CLIP3: variants seen among roughly 807,000 people sequenced by gnomAD.
The protein encoded by CLIP3 is CAP-Gly domain-containing linker protein 3.
A neutral mutation model predicts 59.4 loss-of-function variants in CLIP3; 15 were observed. The ratio of observed to expected loss-of-function variants is 0.25; its 90% CI spans 0.17 to 0.39. CLIP3 has a LOEUF of 0.39. CLIP3 is among the 10% of genes least tolerant of loss of function. The pLI is 1.00. For missense variants in CLIP3, 495 were observed against 765.7 expected (o/e 0.65, Z 4.17); for synonymous variants, 300 against 321.6 (o/e 0.93, Z 0.72).
chr19:36,016,674 G>A lies in CLIP3; in HGVS notation c.1589+233C>T, dbSNP rs1361740982. ...CTAGCTGTTGTTCTGAGGCTCGTAT[G>A]GAGTGAAGGGTGTTCTGCTTCCTTT... On this transcript the variant is annotated intron_variant, in intron 13 of 13. Coordinates refer to ENST00000360535, the MANE Select transcript of CLIP3 (RefSeq NM_015526.3). This position sits in a 1 kb window ranked among gnomAD's most constrained non-coding sequence, Gnocchi z 4.1. 2 of 562,704 alleles carry A rather than the reference G, an allele frequency of 3.6e-6. No homozygotes were observed. The highest frequency in any genetic ancestry group is 6.4e-6 in the Non-Finnish European group (2 of 313,920). The allele number at this position is 562,704 out of a possible 1,614,324, so 34.9% of individuals were successfully genotyped here.
In CLIP3 at chr19:36,024,741, G is replaced by T. The variant is rs979621506; in HGVS notation, c.682-109C>A. 4 of 1,073,934 alleles carry T rather than the reference G, an allele frequency of 3.7e-6. No individual in the cohort carries two copies. In the Admixed American group the frequency reaches 9.5e-5, roughly 25 times the overall value. 66.5% of individuals were successfully genotyped at this position (1,073,934 alleles called of 1,614,324 possible). On this transcript the variant is annotated intron_variant, in intron 6 of 13. Transcript: ENST00000360535. ...TCTGGGTGATGCAGGGGTAAGACTA[G>T]GTCATATCCTGGGCCAACCTGGGAA...
Position 36,026,186 on chromosome 19 carries a change from G to A in CLIP3, c.642C>T (p.Ala214=). 2 of 1,613,846 alleles carry A rather than the reference G, an allele frequency of 1.2e-6. No homozygotes were observed. Among genetic ancestry groups the A allele is most frequent in the Non-Finnish European group, 1.7e-6 (2 of 1,179,966 alleles). Residue 214 remains alanine, a synonymous_variant, in exon 6 of 14, where the codon GCC becomes GCT. Transcript: ENST00000360535. This position sits in a 1 kb window ranked among gnomAD's most constrained non-coding sequence, Gnocchi z 6.3. ...IAASSLCLGA[A]KCLLEHGANP... is the part of the protein sequence containing the mutation. Reference sequence around the variant, plus strand: ...TGGCGCCGTGCTCCAGCAAACATTTGGCGGCGCCCAGGCACAGGCTGGAAG... The same window carrying A: ...TGGCGCCGTGCTCCAGCAAACATTTAGCGGCGCCCAGGCACAGGCTGGAAG...
Position 36,032,478 on chromosome 19 carries a change from C to A in CLIP3, c.-58-63G>T, listed in dbSNP as rs1210226668. On this transcript the variant is annotated intron_variant, in intron 1 of 13. Coordinates refer to ENST00000360535, the MANE Select transcript of CLIP3 (RefSeq NM_015526.3). The surrounding 1 kb of genome is among the most constrained non-coding windows in gnomAD (Gnocchi z 4.3). ...GCTCCAGGGTCCAAGCCCCTAGGAG[C>A]TTCCAGGGCCCCGGGTGGCCTCCGC... is the stretch of plus-strand genomic sequence containing the variant. The A allele has an allele frequency of 6.9e-6, 3 of 437,150 alleles. No individual in the cohort carries two copies. Among genetic ancestry groups the A allele is most frequent in the Middle Eastern group, 6.0e-4 (1 of 1,678 alleles). 27.1% of individuals were successfully genotyped at this position (437,150 alleles called of 1,614,324 possible).
At chr19:36,022,837 C>T (rs1263552561) in intron 7 of CLIP3, among the ~76,000 whole-genome samples, 2 of 152,084 alleles carry the variant, frequency 1.3e-5, no homozygotes, top group Non-Finnish European at 2.9e-5. Context: ...GGGCGGATCA[C>T]GAGGTCAGGA....
At chr19:36,027,772 C>T (rs549232331) in intron 2 of CLIP3, among the ~76,000 whole-genome samples, 1 of 152,344 alleles carries the variant, frequency 6.6e-6, no homozygotes, top group African/African-American at 2.4e-5. Context: ...CAGTGGTTCA[C>T]ATCTGTAATC....
chr19:36,026,061 T>C lies in CLIP3; in HGVS notation c.681+86A>G. The C allele has an allele frequency of 1.0e-6, 1 of 961,004 alleles. No homozygotes were observed. Among genetic ancestry groups the C allele is most frequent in the Middle Eastern group, 2.2e-4 (1 of 4,514 alleles). 59.5% of individuals were successfully genotyped at this position (961,004 alleles called of 1,614,324 possible). On this transcript the variant is annotated intron_variant, in intron 6 of 13. Transcript: ENST00000360535. This position sits in a 1 kb window ranked among gnomAD's most constrained non-coding sequence, Gnocchi z 6.3. ...GACGGCATTTGTAGTATTTGGGGAG[T>C]CACGGGAAACGCAGAGACCTGCTGG...
At position 36,017,935 on chromosome 19, in the gene CLIP3, C is replaced by T. The variant is rs1412383944; in HGVS notation, c.1240G>A (p.Ala414Thr). ...ACCTGGTCTCCAACCTCAGCCTTGG[C>T]CCCGTCACGCTGCTGCAAGCTGCCC... ...SLGSLQQRDG[A>T]KAEVGDQVLV... The change falls in exon 10 of 14, where the codon GCC becomes ACC. Residue 414 changes from alanine to threonine, a missense_variant. Ala to Thr is a moderately conservative substitution (Grantham distance 58). This residue lies in a region of CLIP3 where 179 missense variants were observed against 226.2 expected (regional missense o/e 0.79). Coordinates refer to ENST00000360535, the MANE Select transcript of CLIP3 (RefSeq NM_015526.3). 1 of 1,614,128 alleles carries T rather than the reference C, an allele frequency of 6.2e-7. No individual in the cohort carries two copies. Among genetic ancestry groups the T allele is most frequent in the Admixed American group, 1.7e-5 (1 of 60,014 alleles).
At chr19:36,024,995 A>G (rs952523318) in intron 6 of CLIP3, among the ~76,000 whole-genome samples, 12 of 151,092 alleles carry the variant, frequency 7.9e-5, no homozygotes, top group Admixed American at 3.9e-4. Context: ...GAATCCGGGA[A>G]GCAGAGGTTG....
At position 36,026,808 on chromosome 19, in the gene CLIP3, G is replaced by A. The variant is rs1054446204; in HGVS notation, c.401-61C>T. On this transcript the variant is annotated intron_variant, in intron 4 of 13. Transcript: ENST00000360535. The surrounding 1 kb of genome is among the most constrained non-coding windows in gnomAD (Gnocchi z 6.3). ...TCCAGAGCATGGGCCCAGTGCACGG[G>A]GAGGACCCTGGGCTTCAGGGACTAT... is the stretch of plus-strand genomic sequence containing the variant. 6.4e-7 allele frequency: 1 copy of A among 1,563,858 alleles called. No homozygotes were observed. The highest frequency in any genetic ancestry group is 1.4e-5 in the African/African-American group (1 of 73,962).
Position 36,026,764 on chromosome 19 carries a change from G to A in CLIP3, c.401-17C>T, listed in dbSNP as rs779780431. ...CGGGGTCCCCTGCGCGATAGGCCGG[G>A]TCAGCTTGGAACCCCCATTCCAGAG... On this transcript the variant is annotated splice_polypyrimidine_tract_variant and intron_variant, in intron 4 of 13. Transcript: ENST00000360535. This position sits in a 1 kb window ranked among gnomAD's most constrained non-coding sequence, Gnocchi z 6.3. The A allele has an allele frequency of 4.4e-6, 7 of 1,587,396 alleles. No homozygotes were observed. Among genetic ancestry groups the A allele is most frequent in the Non-Finnish European group, 6.0e-6 (7 of 1,172,500 alleles).
chr19:36,019,598 A>ATTTT lies in CLIP3; in HGVS notation c.919-296_919-293dup, dbSNP rs200645934. Among the ~76,000 whole-genome samples, 134 of 99,396 alleles carry ATTTT rather than the reference A, an allele frequency of 1.3e-3. 2 individuals are homozygous for ATTTT. In the East Asian group the frequency reaches 0.024, roughly 17 times the overall value. The allele number at this position is 99,396 out of a possible 152,430, so 65.2% of individuals were successfully genotyped here. A position where few individuals can be genotyped will look rare whatever the true frequency, so the allele number is the denominator to read the frequency against. ...ACAATGTAAATTTATTTATTTATTT[A>ATTTT]TTTTATTTATTTTTTTTTTTTTCGA... On this transcript the variant is annotated intron_variant, in intron 7 of 13. Transcript: ENST00000360535.
rs549491261 is a variant in CLIP3, at chr19:36,015,211, G to A, written c.*947C>T. ...ATTCCCTGGGGATTTGGGATTCCAT[G>A]ATTTGGGGGTCCTAGGAGTTACGGC... is the stretch of plus-strand genomic sequence containing the variant. On this transcript the variant is annotated 3_prime_UTR_variant, in exon 14 of 14. Transcript: ENST00000360535. 1.3e-5 allele frequency: 2 copies of A among 152,268 alleles called. No homozygotes were observed. The highest frequency in any genetic ancestry group is 2.9e-5 in the Non-Finnish European group (2 of 68,058). The allele number at this position is 152,268 out of a possible 1,614,324, so 9.4% of individuals were successfully genotyped here. A position where few individuals can be genotyped will look rare whatever the true frequency, so the allele number is the denominator to read the frequency against.
Position 36,019,202 on chromosome 19 carries a change from G to A in CLIP3, c.1023C>T (p.Gly341=), listed in dbSNP as rs140449028. The A allele has an allele frequency of 4.0e-5, 64 of 1,613,834 alleles. No individual in the cohort carries two copies. In the Admixed American group the frequency reaches 7.5e-4, roughly 19 times the overall value. Residue 341 remains glycine, a synonymous_variant, in exon 8 of 14, where the codon GGC becomes GGT. Coordinates refer to ENST00000360535, the MANE Select transcript of CLIP3 (RefSeq NM_015526.3). ...PEGKNDGSVG[G]VRYFICPPKQ... ...TGGGAGGGCAGATGAAGTACCGAAC[G>A]CCCCCAACGCTGCCATCGTTCTTGC...
intron 2 of CLIP3, among the ~76,000 whole-genome samples, chr19:36,028,612 C>T (rs989431817): frequency 6.6e-6 from 1 of 152,194 alleles, no homozygotes; most frequent in Non-Finnish European, 1.5e-5. Context: ...AGGAATCAGC[C>T]GGCATGCTCC....
At position 36,024,387 on chromosome 19, in the gene CLIP3, G is replaced by A; in HGVS notation, c.918+9C>T. The A allele has an allele frequency of 3.3e-6, 5 of 1,511,988 alleles. No homozygotes were observed. Among genetic ancestry groups the A allele is most frequent in the Non-Finnish European group, 4.6e-6 (5 of 1,091,904 alleles). 93.7% of individuals were successfully genotyped at this position (1,511,988 alleles called of 1,614,324 possible). A position where few individuals can be genotyped will look rare whatever the true frequency, so the allele number is the denominator to read the frequency against. On this transcript the variant is annotated intron_variant, in intron 7 of 13. Coordinates refer to ENST00000360535, the MANE Select transcript of CLIP3 (RefSeq NM_015526.3). ...ACCCACCATGCAAACACACATCCCAGCCCCTGACCTTCTGGCCATCCAGCA... is the reference window on the plus strand; with the variant it reads ...ACCCACCATGCAAACACACATCCCAACCCCTGACCTTCTGGCCATCCAGCA...
rs1568543702 is a variant in CLIP3, at chr19:36,026,821, C to T, written c.401-74G>A. 3 of 1,555,690 alleles carry T rather than the reference C, an allele frequency of 1.9e-6. No individual in the cohort carries two copies. The East Asian group carries it at 6.9e-5, about 36-fold the overall frequency. The stretch of plus-strand genomic sequence containing the variant: ...CCCAGTGCACGGGGAGGACCCTGGG[C>T]TTCAGGGACTATACTTTGGGATCCG... On this transcript the variant is annotated intron_variant, in intron 4 of 13. Transcript: ENST00000360535. This position sits in a 1 kb window ranked among gnomAD's most constrained non-coding sequence, Gnocchi z 6.3.
rs12462191 is a variant in CLIP3, at chr19:36,016,960, G to A, written c.1536C>T (p.Thr512=). The A allele has an allele frequency of 1.2e-6, 2 of 1,614,002 alleles. No individual in the cohort carries two copies. Among genetic ancestry groups the A allele is most frequent in the Non-Finnish European group, 1.7e-6 (2 of 1,179,976 alleles). ...CCTTTGGGGTCCGGACTGTGGTGAA[G>A]GTGCGTTTGGGCTGCGTCACTGAAG... ...HQVTMTQPKR[T]FTTVRTPKDI... The change falls in exon 13 of 14, where the codon ACC becomes ACT. Residue 512 remains threonine (T), a synonymous_variant. Coordinates refer to ENST00000360535, the MANE Select transcript of CLIP3 (RefSeq NM_015526.3). This position sits in a 1 kb window ranked among gnomAD's most constrained non-coding sequence, Gnocchi z 4.1.
In CLIP3 at chr19:36,026,837, T is replaced by C; in HGVS notation, c.401-90A>G. The C allele has an allele frequency of 6.5e-7, 1 of 1,536,266 alleles. No homozygotes were observed. The highest frequency in any genetic ancestry group is 1.9e-5 in the Admixed American group (1 of 51,578). On this transcript the variant is annotated intron_variant, in intron 4 of 13. Coordinates refer to ENST00000360535, the MANE Select transcript of CLIP3 (RefSeq NM_015526.3). The surrounding 1 kb of genome is among the most constrained non-coding windows in gnomAD (Gnocchi z 6.3). ...GACCCTGGGCTTCAGGGACTATACT[T>C]TGGGATCCGAAGCTTCGGGTTCCAG...
chr19:36,024,725 T>C, intron 6 of CLIP3, 93 bp from the exon 7 acceptor site: 1 of 1,242,860 alleles, frequency 8.0e-7, no homozygotes, highest in Non-Finnish European at 1.1e-6. Context: ...GTCTGGGTGA[T>C]GCAGGGGTAA....
Sources: allele counts gnomAD v4.1 joint callset (sites outside exome capture counted in the v4.1 genomes callset), GRCh38; gene constraint gnomAD v4.1.1; regional missense constraint gnomAD v4.1.1; non-coding constraint Gnocchi (gnomAD v3.1); transcripts MANE v1.5; gene names NCBI Gene and HGNC (gene_info 2026-07-23, HGNC 2026-07-21).